LRMDA: variants seen among roughly 807,000 people sequenced by gnomAD.
LRMDA encodes leucine-rich melanocyte differentiation-associated protein.
A neutral mutation model predicts 29.8 loss-of-function variants in LRMDA; 18 were observed. The observed-to-expected ratio is 0.60, with a 90% CI of 0.42 to 0.90. LRMDA has a LOEUF of 0.90. Ranked by LOEUF, LRMDA falls within the 40% of genes least tolerant of loss-of-function variation. The pLI is 0.00. For synonymous variants in LRMDA, 125 were observed against 109.4 expected, an observed-to-expected ratio of 1.14 and a Z score of -0.89; for missense variants, 273 against 273.9, an observed-to-expected ratio of 1.00 and a Z score of 0.02.
intron 2 of LRMDA, among the ~76,000 whole-genome samples, chr10:75,608,988 A>G (rs1840994403): frequency 6.6e-6 from 1 of 152,068 alleles, no homozygotes. Flanking sequence ...CACTCTCGTC[A>G]CCTGCACGTA....
chr10:75,892,492 T>TTCCCATTC (rs1200562385), intron 2 of LRMDA, among the ~76,000 whole-genome samples: 1 of 152,220 alleles, frequency 6.6e-6, no homozygotes, highest in African/African-American at 2.4e-5. Flanking sequence ...ACTTAAGACA[T>TTCCCATTC]AAGTAATACC....
chr10:75,609,142 C>G (rs1840996483), intron 2 of LRMDA, among the ~76,000 whole-genome samples: 1 of 152,156 alleles, frequency 6.6e-6, no homozygotes, highest in Non-Finnish European at 1.5e-5. Flanking sequence ...CCAGCACTCT[C>G]TAGGTTGGGA....
intron 6 of LRMDA, among the ~76,000 whole-genome samples, chr10:76,469,767 TA>T (rs2132315666): frequency 6.6e-6 from 1 of 152,168 alleles, no homozygotes; most frequent in African/African-American, 2.4e-5. Context: ...TGGAAACAGA[TA>T]GCTAAGAACT....
At chr10:75,860,833 G>A (rs1051894794) in intron 2 of LRMDA, among the ~76,000 whole-genome samples, 15 of 152,150 alleles carry the variant, frequency 9.9e-5, no homozygotes, top group Admixed American at 5.9e-4. Context: ...GTTATACACT[G>A]GGGAAGAACT....
chr10:76,185,866 T>C (rs1160669271), intron 5 of LRMDA, among the ~76,000 whole-genome samples: 2 of 152,242 alleles, frequency 1.3e-5, no homozygotes. Flanking sequence ...ACTCGGGATC[T>C]CTATGAGTTT....
intron 5 of LRMDA, among the ~76,000 whole-genome samples, chr10:76,065,614 T>C (rs189059944): frequency 6.6e-6 from 1 of 152,192 alleles, no homozygotes; most frequent in Non-Finnish European, 1.5e-5. Flanking sequence ...TGGAAGTAAG[T>C]AGCATTTTTT....
intron 2 of LRMDA, among the ~76,000 whole-genome samples, chr10:75,905,253 TTTA>T (rs1845739753): frequency 3.3e-5 from 5 of 149,604 alleles, no homozygotes; most frequent in African/African-American, 9.9e-5. Flanking sequence ...TTTTTTTTTT[TTTA>T]AATCATAGAC....
In LRMDA at chr10:76,231,687, T is replaced by A. The variant is rs1440287777; in HGVS notation, c.517-92714T>A. ...AGTTTATGCAAAGTAATAAAAACCA[T>A]CTTTGCTAGTGGAGATATCACCCCT... On this transcript the variant is annotated intron_variant, in intron 5 of 6. Transcript: ENST00000611255. 2.0e-5 allele frequency among the ~76,000 whole-genome samples: 3 copies of A among 152,232 alleles called. No individual in the cohort carries two copies. In the South Asian group the frequency reaches 6.2e-4, roughly 32 times the overall value.
At chr10:75,593,491 C>T (rs1176962452) in intron 2 of LRMDA, among the ~76,000 whole-genome samples, 3 of 152,242 alleles carry the variant, frequency 2.0e-5, no homozygotes, top group Non-Finnish European at 4.4e-5. Flanking sequence ...AATGCAATAA[C>T]ACTTTCTGTA....
rs535074721 is a variant in LRMDA, at chr10:76,053,012, G to A, written c.399-5654G>A. 2.3e-4 allele frequency among the ~76,000 whole-genome samples: 35 copies of A among 152,270 alleles called. No homozygotes were observed. In the East Asian group the frequency reaches 5.8e-3, roughly 25 times the overall value. Reference sequence around the variant, plus strand: ...AAATCTGAAGCTGTCTCCGGGTGTCGCAGGATTTATAGACGGGGGTTTCTG... The same window carrying A: ...AAATCTGAAGCTGTCTCCGGGTGTCACAGGATTTATAGACGGGGGTTTCTG... On this transcript the variant is annotated intron_variant, in intron 4 of 6. Coordinates refer to ENST00000611255, the MANE Select transcript of LRMDA (RefSeq NM_001305581.2).
At chr10:75,872,676 C>A (rs1447506586) in intron 2 of LRMDA, among the ~76,000 whole-genome samples, 2 of 152,124 alleles carry the variant, frequency 1.3e-5, no homozygotes, top group Non-Finnish European at 2.9e-5. Context: ...CTATTTATTT[C>A]TCCTTTGCTT....
chr10:76,222,163 A>G (rs969895985), intron 5 of LRMDA, among the ~76,000 whole-genome samples: 55 of 152,026 alleles, frequency 3.6e-4, no homozygotes, highest in Non-Finnish European at 6.8e-4. Flanking sequence ...AACCATAAAA[A>G]CCCTAGAAGA....
chr10:76,100,286 GT>G (rs1849376048), intron 5 of LRMDA, among the ~76,000 whole-genome samples: 1 of 152,124 alleles, frequency 6.6e-6, no homozygotes, highest in African/African-American at 2.4e-5. Context: ...ATATTGAAGG[GT>G]AAAGGGAATG....
At chr10:76,145,378 G>C (rs932309653) in intron 5 of LRMDA, among the ~76,000 whole-genome samples, 4 of 152,082 alleles carry the variant, frequency 2.6e-5, no homozygotes, top group Non-Finnish European at 5.9e-5. Flanking sequence ...GCCTGTTTTT[G>C]GTCTATTAAG....
intron 6 of LRMDA, among the ~76,000 whole-genome samples, chr10:76,461,496 A>G (rs79559284): frequency 1.4e-3 from 215 of 152,338 alleles, no homozygotes; most frequent in African/African-American, 5.1e-3. Flanking sequence ...GAGATCTAGC[A>G]TTGTACTTAC....
chr10:76,418,120 T>C (rs2132516950), intron 6 of LRMDA, among the ~76,000 whole-genome samples: 1 of 152,218 alleles, frequency 6.6e-6, no homozygotes, highest in East Asian at 1.9e-4. Context: ...TGAATCTCCA[T>C]ACAAGTTTTA....
At chr10:76,353,001 T>G (rs1332227226) in intron 6 of LRMDA, among the ~76,000 whole-genome samples, 1 of 152,140 alleles carries the variant, frequency 6.6e-6, no homozygotes, top group Non-Finnish European at 1.5e-5. Flanking sequence ...TTTGAGTATA[T>G]CCAGCTTGAG....
intron 2 of LRMDA, among the ~76,000 whole-genome samples, chr10:75,752,953 G>T (rs1282649051): frequency 6.6e-6 from 1 of 152,142 alleles, no homozygotes; most frequent in Non-Finnish European, 1.5e-5. Context: ...TGATTCTTCT[G>T]GTTGTACAGT....
chr10:76,361,796 A>T (rs1841316419), intron 6 of LRMDA, among the ~76,000 whole-genome samples: 1 of 152,204 alleles, frequency 6.6e-6, no homozygotes, highest in South Asian at 2.1e-4. Context: ...TTATATGTTT[A>T]GTTAAATTGT....
Sources: gnomAD v4.1 joint callset for allele counts (sites outside exome capture counted in the v4.1 genomes callset) on GRCh38, gnomAD v4.1.1 for gene constraint, MANE v1.5 for transcripts, NCBI Gene and HGNC (gene_info 2026-07-23, HGNC 2026-07-21) for gene names.